The following AKAP11 variants were observed in gnomAD, a reference collection of about 807,000 sequenced individuals.
The protein encoded by AKAP11 is A-kinase anchoring protein 11, also known as A-kinase anchor protein 11.
A neutral mutation model predicts 146.1 loss-of-function variants in AKAP11; 36 were observed. The observed-to-expected ratio is 0.25, with a 90% CI of 0.19 to 0.33. The LOEUF (loss-of-function observed/expected upper bound fraction) is 0.33, where lower values mean the gene tolerates loss of function less well. AKAP11 is among the 10% of genes least tolerant of loss of function. The pLI, the probability that AKAP11 is intolerant of heterozygous loss-of-function variation, is 1.00. For synonymous variants in AKAP11, 780 were observed against 786.5 expected, an observed-to-expected ratio of 0.99 and a Z score of 0.14; for missense variants, 2,201 against 2,197.0, an observed-to-expected ratio of 1.00 and a Z score of -0.04.
intron 11 of AKAP11, among the ~76,000 whole-genome samples, chr13:42,314,158 A>G (rs1960700590): frequency 6.6e-6 from 1 of 152,218 alleles, no homozygotes; most frequent in African/African-American, 2.4e-5. Flanking sequence ...GTATAAAGAA[A>G]TACTGGGCAG....
At chr13:42,315,133 TAA>T (rs533638144) in intron 11 of AKAP11, among the ~76,000 whole-genome samples, 6 of 152,308 alleles carry the variant, frequency 3.9e-5, no homozygotes, top group Non-Finnish European at 5.9e-5. Flanking sequence ...AGAAAATAGC[TAA>T]AAAGAATTTC....
chr13:42,314,601 A>G (rs1472104860), intron 11 of AKAP11, among the ~76,000 whole-genome samples: 2 of 152,148 alleles, frequency 1.3e-5, no homozygotes. Context: ...ACTATGGCAT[A>G]TTATTTTCAT....
intron 1 of AKAP11, among the ~76,000 whole-genome samples, chr13:42,274,670 G>A (rs1477805616): frequency 1.3e-5 from 2 of 152,236 alleles, no homozygotes; most frequent in Non-Finnish European, 2.9e-5. Context: ...GGGCGACTGA[G>A]TGAGACTCTG....
chr13:42,317,757 T>C (rs565585408), intron 12 of AKAP11, 69 bp downstream of exon 12: 127 of 1,507,724 alleles, frequency 8.4e-5, no homozygotes, highest in Non-Finnish European at 1.1e-4. Context: ...ATGTGATTGG[T>C]CTAACAAGAT....
At chr13:42,285,585 G>T (rs918305956) in intron 1 of AKAP11, among the ~76,000 whole-genome samples, 1 of 152,184 alleles carries the variant, frequency 6.6e-6, no homozygotes, top group Non-Finnish European at 1.5e-5. Flanking sequence ...AGATACTGTG[G>T]TCAAATGCAG....
chr13:42,293,382 T>C (rs2138528870), intron 4 of AKAP11, among the ~76,000 whole-genome samples: 1 of 152,316 alleles, frequency 6.6e-6, no homozygotes, highest in East Asian at 1.9e-4. Context: ...GGGTGGATGA[T>C]TTTCTTAATA....
intron 1 of AKAP11, among the ~76,000 whole-genome samples, chr13:42,272,758 C>CA (rs1315986840): frequency 6.6e-6 from 1 of 152,160 alleles, no homozygotes. Context: ...AGGGGCTCCT[C>CA]AGAGTATTGA....
In AKAP11 at chr13:42,303,204, T is replaced by C. The variant is rs1426357130; in HGVS notation, c.4458T>C (p.Asp1486=). 4 of 1,614,026 alleles carry C rather than the reference T, an allele frequency of 2.5e-6. No individual in the cohort carries two copies. The Admixed American group carries it at 6.7e-5, about 27-fold the overall frequency. The change falls in exon 8 of 13, where the codon GAT becomes GAC. Residue 1486 remains aspartate (D), a synonymous_variant. Coordinates refer to ENST00000025301, the MANE Select transcript of AKAP11 (RefSeq NM_016248.4). ...SLVGLPKSLT[D]SCLFEKSGYE... is the part of the protein sequence containing the mutation. ...TTGGCCTACCAAAATCCTTAACAGA[T>C]TCTTGCTTGTTTGAAAAATCTGGAT... is the stretch of plus-strand genomic sequence containing the variant.
intron 1 of AKAP11, among the ~76,000 whole-genome samples, chr13:42,273,933 G>A (rs1480985146): frequency 6.6e-6 from 1 of 152,190 alleles, no homozygotes; most frequent in Non-Finnish European, 1.5e-5. Flanking sequence ...TGACAAAAAT[G>A]TGAAAGACTT....
In AKAP11 at chr13:42,303,253, G is replaced by A. The variant is rs545705421; in HGVS notation, c.4507G>A (p.Val1503Ile). Residue 1503 changes from valine to isoleucine, a missense_variant, in exon 8 of 13, where the codon GTT becomes ATT. Transcript: ENST00000025301. ...SGYEEDNECH[V>I]TPELPKSLQP... The stretch of plus-strand genomic sequence containing the variant: ...ATATGAAGAAGATAATGAGTGTCAC[G>A]TTACACCAGAATTGCCTAAGTCTCT... 1.2e-5 allele frequency: 19 copies of A among 1,613,754 alleles called. No individual in the cohort carries two copies. Among genetic ancestry groups the A allele is most frequent in the South Asian group, 2.2e-5 (2 of 91,074 alleles).
In AKAP11 at chr13:42,278,865, A is replaced by G. The variant is rs74243135; in HGVS notation, c.-100+6637A>G. ...TGGTGAATTTTCACGGCCCTTATTCATGTGAATAAATTTATTTTGCCTTAA... is the reference window on the plus strand; with the variant it reads ...TGGTGAATTTTCACGGCCCTTATTCGTGTGAATAAATTTATTTTGCCTTAA... On this transcript the variant is annotated intron_variant, in intron 1 of 12. Transcript: ENST00000025301. Among the ~76,000 whole-genome samples the G allele has an allele frequency of 3.3e-5, 5 of 150,660 alleles. No individual in the cohort carries two copies. The East Asian group carries it at 9.7e-4, about 29-fold the overall frequency.
chr13:42,300,509 C>A lies in AKAP11; in HGVS notation c.1763C>A (p.Thr588Lys). 1 of 1,614,108 alleles carries A rather than the reference C, an allele frequency of 6.2e-7. No individual in the cohort carries two copies. The highest frequency in any genetic ancestry group is 1.7e-5 in the Admixed American group (1 of 60,004). The change falls in exon 8 of 13, where the codon ACA becomes AAA. Residue 588 changes from threonine to lysine, a missense_variant. Physicochemically the swap from Thr to Lys is moderately conservative, Grantham distance 78. This residue lies in a region of AKAP11 where 1,867 missense variants were observed against 1,833.5 expected (regional missense o/e 1.02). Coordinates refer to ENST00000025301, the MANE Select transcript of AKAP11 (RefSeq NM_016248.4). ...TTGTACCACTTAGCCATCAAATTGA[C>A]ATCATCTGTTTTGCAGATGGCATTT... ...NALYHLAIKLTSSVLQMAFDE... is the reference protein window; with the variant it reads ...NALYHLAIKLKSSVLQMAFDE...
chr13:42,304,826 C>T (rs1486423107), intron 8 of AKAP11, among the ~76,000 whole-genome samples: 1 of 151,852 alleles, frequency 6.6e-6, no homozygotes, highest in African/African-American at 2.4e-5. Context: ...TCTCAGCTCA[C>T]TGCAACCTTT....
chr13:42,314,021 A>C lies in AKAP11; in HGVS notation c.5404+81A>C, dbSNP rs1021738944. The C allele has an allele frequency of 4.3e-6, 6 of 1,400,674 alleles. No individual in the cohort carries two copies. The African/African-American group carries it at 7.1e-5, about 17-fold the overall frequency. 86.8% of individuals were successfully genotyped at this position (1,400,674 alleles called of 1,614,324 possible). ...AAGAGTCTTTATGCATTTTCATCAG[A>C]TAGGCTCTAGGTTATCAGTGTAAAA... On this transcript the variant is annotated intron_variant, in intron 11 of 12. Transcript: ENST00000025301.
chr13:42,290,061 T>C (rs903623795), intron 3 of AKAP11, among the ~76,000 whole-genome samples: 2 of 152,162 alleles, frequency 1.3e-5, no homozygotes, highest in African/African-American at 4.8e-5. Context: ...CAAGTATCCT[T>C]GTAACTTTTT....
intron 12 of AKAP11, among the ~76,000 whole-genome samples, chr13:42,318,431 T>C (rs891667564): frequency 1.3e-5 from 2 of 152,182 alleles, no homozygotes; most frequent in Admixed American, 6.5e-5. Context: ...TTACACAAAA[T>C]TAAAGTAGTT....
intron 9 of AKAP11, among the ~76,000 whole-genome samples, chr13:42,312,092 G>A (rs994913040): frequency 1.3e-5 from 2 of 152,064 alleles, no homozygotes; most frequent in African/African-American, 4.8e-5. Flanking sequence ...ATTTTGGTTT[G>A]TATAAATATT....
chr13:42,305,520 GT>G (rs901729321), intron 8 of AKAP11, among the ~76,000 whole-genome samples: 1 of 150,606 alleles, frequency 6.6e-6, no homozygotes, highest in African/African-American at 2.4e-5. Context: ...CAGATTTCAT[GT>G]TTTTTTTTAA....
At position 42,299,543 on chromosome 13, in the gene AKAP11, C is replaced by T; in HGVS notation, c.797C>T (p.Thr266Ile). 6.2e-7 allele frequency: 1 copy of T among 1,613,986 alleles called. No individual in the cohort carries two copies. Among genetic ancestry groups the T allele is most frequent in the Non-Finnish European group, 8.5e-7 (1 of 1,179,880 alleles). Residue 266 changes from threonine to isoleucine, a missense_variant, in exon 8 of 13, where the codon ACT becomes ATT. Physicochemically the swap from Thr to Ile is moderately conservative, Grantham distance 89. Around this residue, in one of 3 missense-constraint regions of AKAP11, gnomAD observed 331 missense variants for 347.4 expected, o/e 0.95. Transcript: ENST00000025301. ...LGHKELPSVK[T>I]SVTTSISEPW... Reference sequence around the variant, plus strand: ...CATAAAGAACTACCTTCTGTGAAAACTTCAGTCACAACATCAATTTCAGAG... The same window carrying T: ...CATAAAGAACTACCTTCTGTGAAAATTTCAGTCACAACATCAATTTCAGAG...
Sources: gnomAD v4.1 joint callset for allele counts (sites outside exome capture counted in the v4.1 genomes callset) on GRCh38, gnomAD v4.1.1 for gene constraint, gnomAD v4.1.1 regional missense constraint, MANE v1.5 for transcripts, NCBI Gene and HGNC (gene_info 2026-07-23, HGNC 2026-07-21) for gene names.